Variants in IRAG1 observed in about 807,000 individuals in gnomAD.
IRAG1 encodes the protein IP3R-associated cGMP kinase substrate.
Under a neutral mutation model 106.2 loss-of-function variants are expected in IRAG1, and 62 were observed. The ratio of observed to expected loss-of-function variants is 0.58; its 90% CI spans 0.48 to 0.72. The LOEUF (loss-of-function observed/expected upper bound fraction) is 0.72. Among genes scored for constraint, IRAG1 ranks in the 30% least tolerant of loss-of-function variants. IRAG1 has a pLI of 0.00. For synonymous variants in IRAG1, 462 were observed against 443.9 expected (o/e 1.04, Z -0.51); for missense variants, 1,064 against 1,140.7 (o/e 0.93, Z 0.97).
intron 18 of IRAG1, among the ~76,000 whole-genome samples, chr11:10,590,157 A>G (rs910125515): frequency 6.6e-6 from 1 of 152,158 alleles, no homozygotes; most frequent in African/African-American, 2.4e-5. Flanking sequence ...GGAGAGATTC[A>G]GAGACCCTGG....
In IRAG1 at chr11:10,632,075, C is replaced by T. The variant is rs749989289; in HGVS notation, c.330-14G>A. 2 of 1,606,886 alleles carry T rather than the reference C, an allele frequency of 1.2e-6. No individual in the cohort carries two copies. Among genetic ancestry groups the T allele is most frequent in the Non-Finnish European group, 1.7e-6 (2 of 1,173,526 alleles). Reference sequence around the variant, plus strand: ...GGACTGTGAACTCTGAAAGACAGAACAGTCATCTTGTTCAGAAAATCAATC... The same window carrying T: ...GGACTGTGAACTCTGAAAGACAGAATAGTCATCTTGTTCAGAAAATCAATC... On this transcript the variant is annotated splice_polypyrimidine_tract_variant and intron_variant, in intron 3 of 20. Transcript: ENST00000423302.
At chr11:10,680,404 G>GGAAGGAAGGAAGGAAGGAAGGAAA (rs71034778) in intron 1 of IRAG1, among the ~76,000 whole-genome samples, 30 of 82,136 alleles carry the variant, frequency 3.7e-4, no homozygotes, top group Non-Finnish European at 6.1e-4. Context: ...AAGGAAGGAA[G>GGAAGGAAGGAAGGAAGGAAGGAAA]GAAAGAAAGG....
intron 2 of IRAG1, among the ~76,000 whole-genome samples, chr11:10,645,505 T>C (rs1472625257): frequency 3.3e-5 from 5 of 152,260 alleles, no homozygotes; most frequent in Admixed American, 2.6e-4. Context: ...TGTGTGTTAG[T>C]TTCTTTCCCT....
At chr11:10,671,644 G>A (rs1336865108) in intron 1 of IRAG1, among the ~76,000 whole-genome samples, 1 of 152,090 alleles carries the variant, frequency 6.6e-6, no homozygotes, top group African/African-American at 2.4e-5. Context: ...CCCAGGAGGT[G>A]GAGGTTTCAG....
intron 1 of IRAG1, among the ~76,000 whole-genome samples, chr11:10,673,088 G>A (rs1860377899): frequency 6.6e-6 from 1 of 152,122 alleles, no homozygotes; most frequent in African/African-American, 2.4e-5. Flanking sequence ...TTTGAGACAA[G>A]CCTGGCCAAC....
intron 1 of IRAG1, among the ~76,000 whole-genome samples, chr11:10,682,448 A>G (rs1861331888): frequency 6.6e-6 from 1 of 152,186 alleles, no homozygotes; most frequent in South Asian, 2.1e-4. Flanking sequence ...TGATGTCTAT[A>G]ACCAACCGTA....
At chr11:10,676,612 A>C (rs543335161) in intron 1 of IRAG1, among the ~76,000 whole-genome samples, 1 of 152,174 alleles carries the variant, frequency 6.6e-6, no homozygotes, top group Non-Finnish European at 1.5e-5. Context: ...TGCTGAAAGG[A>C]GAGGCTGGGA....
At chr11:10,684,863 G>C (rs998298629) in intron 1 of IRAG1, among the ~76,000 whole-genome samples, 1 of 152,128 alleles carries the variant, frequency 6.6e-6, no homozygotes, top group African/African-American at 2.4e-5. Flanking sequence ...AATTTCTTGT[G>C]TGCTGGGACA....
chr11:10,608,328 C>T (rs771962912), intron 11 of IRAG1, among the ~76,000 whole-genome samples: 1 of 152,086 alleles, frequency 6.6e-6, no homozygotes, highest in Admixed American at 6.5e-5. Flanking sequence ...CAGAGTTTCA[C>T]TCTGTTGTCC....
At position 10,633,237 on chromosome 11, in the gene IRAG1, G is replaced by A. The variant is rs369625177; in HGVS notation, c.329+731C>T. On this transcript the variant is annotated intron_variant, in intron 3 of 20. Transcript: ENST00000423302. ...CTACAGGCGCCCGCCACCACACCCG[G>A]CTAATTTTTCTGTATTTGTAGTAGA... 2.8e-3 allele frequency among the ~76,000 whole-genome samples: 432 copies of A among 152,052 alleles called. 2 individuals are homozygous for A. Among genetic ancestry groups the A allele is most frequent in the African/African-American group, 0.01 (418 of 41,492 alleles).
intron 10 of IRAG1, among the ~76,000 whole-genome samples, chr11:10,614,773 C>G (rs551926530): frequency 6.6e-6 from 1 of 152,294 alleles, no homozygotes; most frequent in South Asian, 2.1e-4. Flanking sequence ...TTCCTTACAC[C>G]TTATACAAAA....
At chr11:10,625,356 C>T (rs1157668007) in intron 9 of IRAG1, among the ~76,000 whole-genome samples, 1 of 152,060 alleles carries the variant, frequency 6.6e-6, no homozygotes, top group Non-Finnish European at 1.5e-5. Flanking sequence ...CTCTGGATGC[C>T]CCCAATCATA....
chr11:10,607,491 C>G (rs1280608567), intron 11 of IRAG1, among the ~76,000 whole-genome samples: 3 of 152,198 alleles, frequency 2.0e-5, no homozygotes, highest in African/African-American at 4.8e-5. Context: ...ATAGGCAGTC[C>G]CTGCATCTGC....
At chr11:10,585,713 CT>C (rs2134140419) in intron 18 of IRAG1, among the ~76,000 whole-genome samples, 1 of 152,040 alleles carries the variant, frequency 6.6e-6, no homozygotes, top group East Asian at 2.0e-4. Context: ...CCTGTGCAGT[CT>C]GATATGTGCC....
chr11:10,594,486 C>T (rs1256100755), intron 15 of IRAG1, among the ~76,000 whole-genome samples: 1 of 152,186 alleles, frequency 6.6e-6, no homozygotes, highest in African/African-American at 2.4e-5. Flanking sequence ...CTCTGCATAA[C>T]ACCCTAGATA....
chr11:10,663,913 G>C (rs777923479), intron 1 of IRAG1, among the ~76,000 whole-genome samples: 1 of 152,130 alleles, frequency 6.6e-6, no homozygotes, highest in African/African-American at 2.4e-5. Flanking sequence ...AAAGTGACTC[G>C]CTCTAGGTCA....
At chr11:10,633,191 C>T (rs893120376) in intron 3 of IRAG1, among the ~76,000 whole-genome samples, 20 of 151,476 alleles carry the variant, frequency 1.3e-4, no homozygotes, top group Admixed American at 2.6e-4. Flanking sequence ...TCTCCTGCCT[C>T]AGCCTCCCGA....
chr11:10,596,616 TAATA>T (rs1853341592), intron 15 of IRAG1, among the ~76,000 whole-genome samples: 1 of 152,226 alleles, frequency 6.6e-6, no homozygotes, highest in African/African-American at 2.4e-5. Context: ...AAGGATGGCC[TAATA>T]AATGTATTTG....
At chr11:10,578,184 C>G (rs983636633) in intron 20 of IRAG1, among the ~76,000 whole-genome samples, 9 of 152,182 alleles carry the variant, frequency 5.9e-5, no homozygotes, top group Admixed American at 5.2e-4. Context: ...AATAGAATTT[C>G]TTTAGAAGTC....
Sources: gnomAD v4.1 joint callset for allele counts (sites outside exome capture counted in the v4.1 genomes callset) on GRCh38, gnomAD v4.1.1 for gene constraint, MANE v1.5 for transcripts, NCBI Gene and HGNC (gene_info 2026-07-23, HGNC 2026-07-21) for gene names.